EYS: variants seen among roughly 807,000 people sequenced by gnomAD.
EYS encodes protein eyes shut homolog.
In EYS, 250 loss-of-function variants were observed where a neutral mutation model predicts 282.1. That is an observed-to-expected ratio of 0.89 (90% CI 0.80 to 0.98). EYS has a LOEUF of 0.98. Among genes scored for constraint, EYS ranks in the 50% least tolerant of loss-of-function variants. The pLI, the probability that EYS is intolerant of heterozygous loss-of-function variation, is 0.00. For missense variants in EYS, 4,016 were observed against 3,709.0 expected (o/e 1.08, Z -2.15); for synonymous variants, 1,355 against 1,282.9 (o/e 1.06, Z -1.20).
At chr6:65,068,178 C>A (rs1773801735) in intron 12 of EYS, among the ~76,000 whole-genome samples, 2 of 152,170 alleles carry the variant, frequency 1.3e-5, no homozygotes, top group Middle Eastern at 3.4e-3. Flanking sequence ...TTGGCTAATG[C>A]CAACATGCAT....
chr6:65,222,512 A>C (rs1766495508), intron 12 of EYS, among the ~76,000 whole-genome samples: 1 of 152,210 alleles, frequency 6.6e-6, no homozygotes, highest in Non-Finnish European at 1.5e-5. Flanking sequence ...CTGTGAGTCC[A>C]TTAAACCTCT....
At chr6:64,806,193 C>T (rs1203491754) in intron 22 of EYS, among the ~76,000 whole-genome samples, 1 of 151,640 alleles carries the variant, frequency 6.6e-6, no homozygotes, top group Non-Finnish European at 1.5e-5. Flanking sequence ...TAAAATGTCA[C>T]CTAAACTACA....
chr6:65,112,381 T>C (rs1775238119), intron 12 of EYS, among the ~76,000 whole-genome samples: 1 of 152,096 alleles, frequency 6.6e-6, no homozygotes, highest in Non-Finnish European at 1.5e-5. Flanking sequence ...AGATAGACCT[T>C]TCATCTAATT....
At chr6:64,856,865 C>A (rs956582214) in intron 19 of EYS, among the ~76,000 whole-genome samples, 3 of 151,944 alleles carry the variant, frequency 2.0e-5, no homozygotes, top group African/African-American at 7.3e-5. Flanking sequence ...GGTTAATAAA[C>A]ACTAAGATTA....
intron 31 of EYS, among the ~76,000 whole-genome samples, chr6:64,160,619 G>GT (rs1398993624): frequency 1.3e-5 from 2 of 152,292 alleles, no homozygotes; most frequent in Non-Finnish European, 2.9e-5. Flanking sequence ...CATTGAAGTA[G>GT]TTTAAATCTA....
At chr6:65,641,060 T>C (rs1440225005) in intron 1 of EYS, among the ~76,000 whole-genome samples, 1 of 152,236 alleles carries the variant, frequency 6.6e-6, no homozygotes, top group Non-Finnish European at 1.5e-5. Flanking sequence ...TGGTGTTTTT[T>C]ACAGTGTAAA....
At chr6:65,490,465 A>G (rs933732830) in intron 5 of EYS, 129 bp downstream of exon 5, 30 of 601,254 alleles carry the variant, frequency 5.0e-5, no homozygotes, top group Admixed American at 8.6e-5. Flanking sequence ...ACCATAAAAG[A>G]GTTCAGTATA....
intron 41 of EYS, among the ~76,000 whole-genome samples, chr6:63,743,600 T>G (rs2149643778): frequency 6.6e-6 from 1 of 152,304 alleles, no homozygotes; most frequent in South Asian, 2.1e-4. Flanking sequence ...GCAATTTTTG[T>G]GAGCTGCATG....
chr6:64,021,917 C>G (rs1486705253), intron 33 of EYS, among the ~76,000 whole-genome samples: 1 of 152,136 alleles, frequency 6.6e-6, no homozygotes, highest in Non-Finnish European at 1.5e-5. Flanking sequence ...AGATTGTTTT[C>G]TATCATGATA....
chr6:65,353,918 T>A (rs1936441), intron 8 of EYS, among the ~76,000 whole-genome samples: 102,361 of 151,868 alleles, frequency 0.67, 34,597 homozygotes, highest in South Asian at 0.71. Flanking sequence ...CTCACAAATT[T>A]AAAATACCTA....
chr6:64,824,795 C>T (rs1322045041), intron 19 of EYS, among the ~76,000 whole-genome samples: 2 of 151,844 alleles, frequency 1.3e-5, no homozygotes, highest in Non-Finnish European at 2.9e-5. Context: ...GCAAACATGT[C>T]TCAGTTTAGC....
chr6:64,250,274 T>TTTGTAAAAAAAAAA (rs1767164847), intron 30 of EYS, among the ~76,000 whole-genome samples: 1 of 152,200 alleles, frequency 6.6e-6, no homozygotes, highest in African/African-American at 2.4e-5. Flanking sequence ...CGGTAAACTA[T>TTTGTAAAAAAAAAA]ACTTTTTACA....
intron 12 of EYS, among the ~76,000 whole-genome samples, chr6:65,104,183 A>G (rs1158229620): frequency 6.6e-6 from 1 of 151,466 alleles, no homozygotes; most frequent in Non-Finnish European, 1.5e-5. Flanking sequence ...TTACACTATC[A>G]TCACTTCCAA....
chr6:64,868,810 G>T (rs1311868607), intron 19 of EYS, among the ~76,000 whole-genome samples: 1 of 151,404 alleles, frequency 6.6e-6, no homozygotes, highest in Non-Finnish European at 1.5e-5. Context: ...AGGTTAAAAA[G>T]AATTACAATT....
chr6:63,864,430 A>G (rs1581909292), intron 35 of EYS, 72 bp from the exon 36 acceptor site: 1 of 1,003,400 alleles, frequency 1.0e-6, no homozygotes, highest in East Asian at 2.9e-5. Context: ...ACATATATAC[A>G]CATGCATGAA....
At chr6:63,896,339 T>C (rs1475554528) in intron 35 of EYS, among the ~76,000 whole-genome samples, 1 of 152,364 alleles carries the variant, frequency 6.6e-6, no homozygotes, top group East Asian at 1.9e-4. Flanking sequence ...CAGATTATTT[T>C]GTATAACTAA....
At chr6:64,983,565 A>C (rs1323322414) in intron 14 of EYS, among the ~76,000 whole-genome samples, 3 of 151,340 alleles carry the variant, frequency 2.0e-5, no homozygotes, top group African/African-American at 7.3e-5. Flanking sequence ...ACAATTTTTA[A>C]AATCATTATT....
At chr6:64,224,576 C>A (rs1304540913) in intron 31 of EYS, among the ~76,000 whole-genome samples, 1 of 152,006 alleles carries the variant, frequency 6.6e-6, no homozygotes, top group Non-Finnish European at 1.5e-5. Context: ...TTTTAAGTAT[C>A]ATTTAAACTG....
intron 35 of EYS, among the ~76,000 whole-genome samples, chr6:63,885,440 G>T (rs1231300655): frequency 6.6e-6 from 1 of 152,096 alleles, no homozygotes; most frequent in Non-Finnish European, 1.5e-5. Context: ...TGGCCAATGA[G>T]TATCTCAATG....
Sources: gnomAD v4.1 joint callset for allele counts (sites outside exome capture counted in the v4.1 genomes callset) on GRCh38, gnomAD v4.1.1 for gene constraint, MANE v1.5 for transcripts, NCBI Gene and HGNC (gene_info 2026-07-23, HGNC 2026-07-21) for gene names.